Variants in TGM6 observed in about 807,000 individuals in gnomAD.
TGM6 encodes transglutaminase 6, also known as protein-glutamine gamma-glutamyltransferase 6.
A neutral mutation model predicts 77.5 loss-of-function variants in TGM6; 74 were observed. The observed-to-expected ratio is 0.96, with a 90% CI of 0.79 to 1.16. The LOEUF (loss-of-function observed/expected upper bound fraction) is 1.16, where lower values mean the gene tolerates loss of function less well. Ranked by LOEUF, TGM6 falls within the 50% of genes most tolerant of loss-of-function variation. TGM6 has a pLI of 0.00. For synonymous variants in TGM6, 383 were observed against 378.9 expected (o/e 1.01, Z -0.12); for missense variants, 968 against 940.2 (o/e 1.03, Z -0.39).
chr20:2,428,657 T>C (rs55989123), intron 10 of TGM6, among the ~76,000 whole-genome samples: 20,181 of 151,812 alleles, frequency 0.13, 1,658 homozygotes, highest in African/African-American at 0.22. Context: ...TTTGATATTA[T>C]TATCAATAAT....
intron 9 of TGM6, among the ~76,000 whole-genome samples, chr20:2,404,040 A>G (rs1354330187): frequency 1.3e-5 from 2 of 152,188 alleles, no homozygotes; most frequent in Non-Finnish European, 2.9e-5. Context: ...ACCTTAGAAG[A>G]TTTCCCATTT....
chr20:2,424,012 A>T (rs1280525017), intron 10 of TGM6, among the ~76,000 whole-genome samples: 6 of 152,254 alleles, frequency 3.9e-5, no homozygotes, highest in Admixed American at 2.0e-4. Flanking sequence ...AATATTCAGT[A>T]AACCATGCTA....
At chr20:2,410,952 A>G (rs1380119827) in intron 9 of TGM6, among the ~76,000 whole-genome samples, 1 of 152,224 alleles carries the variant, frequency 6.6e-6, no homozygotes, top group Non-Finnish European at 1.5e-5. Context: ...AAAAACTAGT[A>G]ATAGTTCATA....
intron 1 of TGM6, among the ~76,000 whole-genome samples, chr20:2,390,778 A>G (rs998919547): frequency 2.6e-5 from 4 of 152,236 alleles, no homozygotes; most frequent in Admixed American, 2.6e-4. Flanking sequence ...AAAAGGTGAC[A>G]TTTGAGCAAA....
At chr20:2,403,897 G>A (rs998653850) in intron 9 of TGM6, 74 bp downstream of exon 9, 20 of 1,611,540 alleles carry the variant, frequency 1.2e-5, no homozygotes, top group Admixed American at 3.3e-5. Flanking sequence ...ACTGCAGGTG[G>A]CCTGGAGCCA....
chr20:2,385,028 C>A (rs1299709758), intron 1 of TGM6, among the ~76,000 whole-genome samples: 1 of 152,210 alleles, frequency 6.6e-6, no homozygotes, highest in Non-Finnish European at 1.5e-5. Flanking sequence ...GCTGCCTCTC[C>A]CATCCCCTCC....
intron 1 of TGM6, among the ~76,000 whole-genome samples, chr20:2,393,155 T>C (rs967073408): frequency 6.6e-6 from 1 of 152,270 alleles, no homozygotes; most frequent in African/African-American, 2.4e-5. Context: ...AAATCTATAC[T>C]CTGCACTTTC....
chr20:2,415,788 T>C (rs1299685638), intron 9 of TGM6, among the ~76,000 whole-genome samples: 2 of 152,086 alleles, frequency 1.3e-5, no homozygotes, highest in Non-Finnish European at 2.9e-5. Flanking sequence ...GTGGGTTTGG[T>C]TGGATTTGAG....
rs2084912890 is a variant in TGM6, at chr20:2,429,882, CT to C, written c.1679-563del. ...ACAGAGATGGCCAGGACCACAGGAG[CT>C]CAGAGAGCATGAGAGCACTGGGAGG... On this transcript the variant is annotated intron_variant, in intron 10 of 12. Coordinates refer to ENST00000202625, the MANE Select transcript of TGM6 (RefSeq NM_198994.3). Among the ~76,000 whole-genome samples, 4 of 152,166 alleles carry C rather than the reference CT, an allele frequency of 2.6e-5. 1 individual carries two copies. In the South Asian group the frequency reaches 6.2e-4, roughly 24 times the overall value.
rs2084698900 is a variant in TGM6 at position 2,400,385 on chromosome 20, G to A, written c.930G>A (p.Val310=). Residue 310 remains valine, a synonymous_variant, in exon 7 of 13, where the codon GTG becomes GTA. Transcript: ENST00000202625. ...SAHDTDQNLS[V]DKYVDSFGRT... ...ACGACACAGACCAGAACCTGAGTGTGGACAAATACGTGGACTCCTTCGGGC... is the reference window on the plus strand; with the variant it reads ...ACGACACAGACCAGAACCTGAGTGTAGACAAATACGTGGACTCCTTCGGGC... 6.2e-7 allele frequency: 1 copy of A among 1,614,216 alleles called. No individual in the cohort carries two copies. Among genetic ancestry groups the A allele is most frequent in the East Asian group, 2.2e-5 (1 of 44,870 alleles).
chr20:2,430,707 A>G, intron 11 of TGM6, 107 bp downstream of exon 11: 1 of 1,596,732 alleles, frequency 6.3e-7, no homozygotes, highest in Non-Finnish European at 8.6e-7. Flanking sequence ...CTCCAGCTTT[A>G]GCTCTCCAGG....
chr20:2,417,118 C>T (rs1396916603), intron 9 of TGM6, 114 bp from the exon 10 acceptor site: 1 of 879,472 alleles, frequency 1.1e-6, no homozygotes, highest in South Asian at 1.5e-5. Context: ...AAACACAAGG[C>T]ATGTGGCGCC....
intron 9 of TGM6, among the ~76,000 whole-genome samples, chr20:2,409,541 G>A (rs1285165354): frequency 6.6e-6 from 1 of 151,964 alleles, no homozygotes; most frequent in African/African-American, 2.4e-5. Context: ...GGGAAACCCT[G>A]TCTCTACTAA....
At position 2,417,492 on chromosome 20, in the gene TGM6, G is replaced by A. The variant is rs757112623; in HGVS notation, c.1597G>A (p.Gly533Ser). Reference sequence around the variant, plus strand: ...CCAGCGGGTGAGGGTCAACCTGAGCGGTGCCACCATCCTCTATACCCGCAA... The same window carrying A: ...CCAGCGGGTGAGGGTCAACCTGAGCAGTGCCACCATCCTCTATACCCGCAA... ...RAQRVRVNLS[G>S]ATILYTRKPV... The change falls in exon 10 of 13, where the codon GGT (glycine) becomes AGT (serine). Residue 533 changes from glycine (G) to serine (S), a missense_variant. Gly to Ser is a moderately conservative substitution (Grantham distance 56). Transcript: ENST00000202625. 154 of 1,608,818 alleles carry A rather than the reference G, an allele frequency of 9.6e-5. No individual in the cohort carries two copies. The East Asian group carries it at 2.7e-3, about 29-fold the overall frequency.
intron 9 of TGM6, among the ~76,000 whole-genome samples, chr20:2,406,945 G>C (rs2084756750): frequency 6.6e-6 from 1 of 151,410 alleles, no homozygotes; most frequent in Non-Finnish European, 1.5e-5. Context: ...CTGGCTGTGG[G>C]CTGGCCATTT....
chr20:2,409,817 A>G (rs1181549333), intron 9 of TGM6, among the ~76,000 whole-genome samples: 1 of 152,192 alleles, frequency 6.6e-6, no homozygotes, highest in Non-Finnish European at 1.5e-5. Context: ...TGAAATAAAG[A>G]GCAGAAAAAT....
At chr20:2,390,004 C>T (rs1194796549) in intron 1 of TGM6, among the ~76,000 whole-genome samples, 7 of 152,218 alleles carry the variant, frequency 4.6e-5, no homozygotes, top group African/African-American at 1.7e-4. Flanking sequence ...AGACTTGCCT[C>T]ATTCCCAGAG....
chr20:2,390,852 C>A (rs773742847), intron 1 of TGM6, among the ~76,000 whole-genome samples: 9 of 151,982 alleles, frequency 5.9e-5, no homozygotes, highest in Admixed American at 6.6e-5. Flanking sequence ...GATCCACATA[C>A]AGGGAACAGC....
Position 2,417,584 on chromosome 20 carries a change from G to C in TGM6, c.1678+11G>C, listed in dbSNP as rs376838053. ...TGGGGCCGCAAGAAGGTAAGTGTAC[G>C]CTGGCTTGGTGGAATCAGGCCAAAC... is the stretch of plus-strand genomic sequence containing the variant. On this transcript the variant is annotated intron_variant, in intron 10 of 12. Transcript: ENST00000202625. 1.3e-6 allele frequency: 2 copies of C among 1,593,756 alleles called. No homozygotes were observed. Among genetic ancestry groups the C allele is most frequent in the Non-Finnish European group, 1.7e-6 (2 of 1,177,096 alleles).
Sources: gnomAD v4.1 joint callset for allele counts (sites outside exome capture counted in the v4.1 genomes callset) on GRCh38, gnomAD v4.1.1 for gene constraint, MANE v1.5 for transcripts, NCBI Gene and HGNC (gene_info 2026-07-23, HGNC 2026-07-21) for gene names.